Variants in HIPK2 observed in about 807,000 individuals in gnomAD.
HIPK2 encodes the protein homeodomain interacting protein kinase 2, also known as homeodomain-interacting protein kinase 2.
HIPK2 carries 27 observed loss-of-function variants against 113.7 expected under a neutral mutation model. The ratio of observed to expected loss-of-function variants is 0.24; its 90% CI spans 0.17 to 0.33. HIPK2 has a LOEUF of 0.33. HIPK2 is among the 10% of genes least tolerant of loss of function. The probability of loss-of-function intolerance (pLI) is 1.00; values close to 1 mark genes in which losing one functional copy is unlikely to be tolerated. For synonymous variants in HIPK2, 631 were observed against 642.2 expected (o/e 0.98, Z 0.26); for missense variants, 1,257 against 1,588.0 (o/e 0.79, Z 3.54).
chr7:139,699,428 G>C (rs892508568), intron 2 of HIPK2, among the ~76,000 whole-genome samples: 7 of 152,176 alleles, frequency 4.6e-5, no homozygotes, highest in Non-Finnish European at 7.4e-5. Context: ...CTCCCTCCCC[G>C]CCTCCTCTTT....
Position 139,682,429 on chromosome 7 carries a change from G to T in HIPK2, c.1103+33503C>A, listed in dbSNP as rs369913989. On this transcript the variant is annotated intron_variant, in intron 2 of 14. Coordinates refer to ENST00000406875, the MANE Select transcript of HIPK2 (RefSeq NM_022740.5). ...AGGGGTTGGAATGAAGGGCTCTGTTGAGGCACCTAGGACAGAGATGTCAGT... is the reference window on the plus strand; with the variant it reads ...AGGGGTTGGAATGAAGGGCTCTGTTTAGGCACCTAGGACAGAGATGTCAGT... Among the ~76,000 whole-genome samples, 9 of 152,304 alleles carry T rather than the reference G, an allele frequency of 5.9e-5. No homozygotes were observed. The East Asian group carries it at 1.7e-3, about 29-fold the overall frequency.
At chr7:139,667,745 C>T (rs968762548) in intron 2 of HIPK2, among the ~76,000 whole-genome samples, 3 of 152,124 alleles carry the variant, frequency 2.0e-5, no homozygotes, top group African/African-American at 7.2e-5. Context: ...TTCCTTTATA[C>T]ATTAGAACAA....
intron 1 of HIPK2, among the ~76,000 whole-genome samples, chr7:139,722,597 T>C (rs2116984001): frequency 6.6e-6 from 1 of 152,268 alleles, no homozygotes. Flanking sequence ...AAAACACTTA[T>C]GAGTCTCCAG....
At chr7:139,655,515 C>T (rs113359452) in intron 2 of HIPK2, among the ~76,000 whole-genome samples, 1,773 of 152,302 alleles carry the variant, frequency 0.012, 15 homozygotes, top group Non-Finnish European at 0.016. Context: ...GCTTATCCGA[C>T]GTGGCAGGGT....
intron 1 of HIPK2, among the ~76,000 whole-genome samples, chr7:139,719,286 T>C (rs1795339213): frequency 6.6e-6 from 1 of 152,122 alleles, no homozygotes; most frequent in Non-Finnish European, 1.5e-5. Flanking sequence ...TTCATATTTT[T>C]AGTAGAGACG....
At chr7:139,651,881 G>A (rs961279338) in intron 2 of HIPK2, among the ~76,000 whole-genome samples, 6 of 152,118 alleles carry the variant, frequency 3.9e-5, no homozygotes, top group African/African-American at 9.7e-5. Flanking sequence ...GGAGGTCTTC[G>A]TTATATAAGA....
chr7:139,707,437 G>A (rs1174520513), intron 2 of HIPK2, among the ~76,000 whole-genome samples: 1 of 152,260 alleles, frequency 6.6e-6, no homozygotes, highest in Non-Finnish European at 1.5e-5. Flanking sequence ...CTGCTGCGAC[G>A]CAGCGACCTG....
At chr7:139,709,981 C>G (rs1795014179) in intron 2 of HIPK2, among the ~76,000 whole-genome samples, 1 of 152,140 alleles carries the variant, frequency 6.6e-6, no homozygotes, top group African/African-American at 2.4e-5. Context: ...GGGGTAGAAC[C>G]CCCCATTATA....
chr7:139,772,576 T>C (rs1427443181), intron 1 of HIPK2, among the ~76,000 whole-genome samples: 1 of 151,972 alleles, frequency 6.6e-6, no homozygotes, highest in African/African-American at 2.4e-5. Context: ...GATAGGAAAA[T>C]GGGGTCTTCC....
intron 1 of HIPK2, among the ~76,000 whole-genome samples, chr7:139,760,041 C>T (rs1444816258): frequency 2.0e-5 from 3 of 150,826 alleles, no homozygotes; most frequent in African/African-American, 4.9e-5. Flanking sequence ...CTTGCTCTGT[C>T]GCCCAGGCTG....
chr7:139,708,846 C>T (rs1266746456), intron 2 of HIPK2, among the ~76,000 whole-genome samples: 1 of 152,126 alleles, frequency 6.6e-6, no homozygotes, highest in Non-Finnish European at 1.5e-5. Context: ...TTCTCATAAG[C>T]ACACCTGTGC....
chr7:139,669,486 T>C (rs1183779007), intron 2 of HIPK2, among the ~76,000 whole-genome samples: 3 of 152,218 alleles, frequency 2.0e-5, no homozygotes, highest in Non-Finnish European at 2.9e-5. Flanking sequence ...CATTGGTGAA[T>C]GACAAAATGA....
At chr7:139,633,942 C>T (rs1055544968) in intron 2 of HIPK2, among the ~76,000 whole-genome samples, 10 of 139,494 alleles carry the variant, frequency 7.2e-5, no homozygotes, top group Non-Finnish European at 1.4e-4. Context: ...AAGAGTCCGT[C>T]GCAAAAAGAA....
chr7:139,712,612 C>G (rs1265377048), intron 2 of HIPK2, among the ~76,000 whole-genome samples: 1 of 152,254 alleles, frequency 6.6e-6, no homozygotes, highest in Non-Finnish European at 1.5e-5. Context: ...CAGCCATTCC[C>G]TCACGATGCA....
Position 139,562,382 on chromosome 7 carries a change from G to A in HIPK2, c.*10545C>T, listed in dbSNP as rs1246344344. 2 of 152,160 alleles carry A rather than the reference G, an allele frequency of 1.3e-5. No individual in the cohort carries two copies. Among genetic ancestry groups the A allele is most frequent in the Non-Finnish European group, 2.9e-5 (2 of 68,032 alleles). The allele number at this position is 152,160 out of a possible 1,614,324, so 9.4% of individuals were successfully genotyped here. ...TTGGACCTGGTGACTTAGTGTCGCCGGGTCTCCTCTTCCCTGTTCTCATTT... is the reference window on the plus strand; with the variant it reads ...TTGGACCTGGTGACTTAGTGTCGCCAGGTCTCCTCTTCCCTGTTCTCATTT... On this transcript the variant is annotated 3_prime_UTR_variant, in exon 15 of 15. Coordinates refer to ENST00000406875, the MANE Select transcript of HIPK2 (RefSeq NM_022740.5).
intron 1 of HIPK2, among the ~76,000 whole-genome samples, chr7:139,776,289 GA>G (rs58251456): frequency 0.1 from 15,546 of 150,904 alleles, 2,625 homozygotes; most frequent in African/African-American, 0.36. Context: ...AAGAGAGTCT[GA>G]AAAAAAAATA....
intron 9 of HIPK2, among the ~76,000 whole-genome samples, chr7:139,610,587 T>G (rs2116760625): frequency 6.6e-6 from 1 of 152,348 alleles, no homozygotes; most frequent in Admixed American, 6.5e-5. Context: ...AAACTTTGTG[T>G]GCTACCAGTC....
At chr7:139,622,849 G>C (rs1800280861) in intron 6 of HIPK2, among the ~76,000 whole-genome samples, 2 of 152,284 alleles carry the variant, frequency 1.3e-5, no homozygotes, top group South Asian at 4.1e-4. Flanking sequence ...TGCCCCTCTT[G>C]GGTCCCAGAT....
At chr7:139,725,968 G>C (rs1257733676) in intron 1 of HIPK2, among the ~76,000 whole-genome samples, 1 of 152,124 alleles carries the variant, frequency 6.6e-6, no homozygotes, top group Non-Finnish European at 1.5e-5. Context: ...CCAGCCAAAG[G>C]AAAAATGAGG....
Sources: allele counts gnomAD v4.1 joint callset (sites outside exome capture counted in the v4.1 genomes callset), GRCh38; gene constraint gnomAD v4.1.1; transcripts MANE v1.5; gene names NCBI Gene and HGNC (gene_info 2026-07-23, HGNC 2026-07-21).